Variants in CCDC97 observed in about 807,000 individuals in gnomAD.
The protein encoded by CCDC97 is coiled-coil domain-containing protein 97.
CCDC97 carries 27 observed loss-of-function variants against 33.9 expected under a neutral mutation model. The ratio of observed to expected loss-of-function variants is 0.80; its 90% confidence interval spans 0.59 to 1.10. The LOEUF (loss-of-function observed/expected upper bound fraction) is 1.10, where lower values mean the gene tolerates loss of function less well. Ranked by LOEUF, CCDC97 falls within the 50% of genes least tolerant of loss-of-function variation. The pLI, the probability that CCDC97 is intolerant of heterozygous loss-of-function variation, is 0.00. For synonymous variants in CCDC97, 217 were observed against 194.0 expected, an observed-to-expected ratio of 1.12 and a Z score of -0.99; for missense variants, 422 against 476.6, an observed-to-expected ratio of 0.89 and a Z score of 1.07.
intron 2 of CCDC97, among the ~76,000 whole-genome samples, chr19:41,317,557 T>C (rs2037763541): frequency 1.3e-5 from 2 of 151,682 alleles, no homozygotes; most frequent in South Asian, 4.2e-4. Flanking sequence ...ATGCTGTCTC[T>C]ACAAAAAATA....
intron 1 of CCDC97, among the ~76,000 whole-genome samples, chr19:41,313,740 A>T (rs1454780847): frequency 6.6e-6 from 1 of 152,038 alleles, no homozygotes; most frequent in Non-Finnish European, 1.5e-5. Context: ...TCACTCTGTC[A>T]CCCAGGCTGG....
rs555187314 is a variant in CCDC97 at position 41,324,421 on chromosome 19, C to G, written c.*1706C>G. On this transcript the variant is annotated 3_prime_UTR_variant, in exon 5 of 5. Coordinates refer to ENST00000269967, the MANE Select transcript of CCDC97 (RefSeq NM_052848.3). The stretch of plus-strand genomic sequence containing the variant: ...CTTGGCTGTCTGGCCTCTCAGGTGT[C>G]AGGGCCATCCAGAGTGAGACAGCAT... The G allele has an allele frequency of 6.6e-5, 10 of 152,338 alleles. No individual in the cohort carries two copies. Among genetic ancestry groups the G allele is most frequent in the Admixed American group, 6.5e-4 (10 of 15,300 alleles). 9.4% of individuals were successfully genotyped at this position (152,338 alleles called of 1,614,324 possible). A position where few individuals can be genotyped will look rare whatever the true frequency, so the allele number is the denominator to read the frequency against.
intron 4 of CCDC97, chr19:41,320,739 A>C: frequency 8.4e-6 from 3 of 358,874 alleles, no homozygotes; most frequent in South Asian, 6.2e-5. Context: ...ACCCTGAAAC[A>C]CTTCCCTCCT....
rs373559695 is a variant in CCDC97 at position 41,316,379 on chromosome 19, C to A, written c.47-5C>A. 2.5e-6 allele frequency: 4 copies of A among 1,604,234 alleles called. No individual in the cohort carries two copies. The South Asian group carries it at 4.4e-5, about 18-fold the overall frequency. ...TCTGAACTAACCAATCTCTCCTTTC[C>A]TCAGGCTGCATAGAGCCTGGACCTG... is the stretch of plus-strand genomic sequence containing the variant. On this transcript the variant is annotated splice_region_variant and splice_polypyrimidine_tract_variant and intron_variant, in intron 1 of 4. Transcript: ENST00000269967.
Position 41,322,788 on chromosome 19 carries a change from G to T in CCDC97, c.*73G>T. On this transcript the variant is annotated 3_prime_UTR_variant, in exon 5 of 5. Transcript: ENST00000269967. Reference sequence around the variant, plus strand: ...GCAGCTGATTCCAGGCCTGCTCAGTGACCCTTTCTCTAGGGGGACATCAGG... The same window carrying T: ...GCAGCTGATTCCAGGCCTGCTCAGTTACCCTTTCTCTAGGGGGACATCAGG... The T allele has an allele frequency of 6.4e-7, 1 of 1,554,622 alleles. No homozygotes were observed. The highest frequency in any genetic ancestry group is 1.2e-5 in the South Asian group (1 of 84,680).
At chr19:41,318,903 G>A (rs1004183184) in intron 2 of CCDC97, among the ~76,000 whole-genome samples, 2 of 151,892 alleles carry the variant, frequency 1.3e-5, no homozygotes, top group African/African-American at 2.4e-5. Context: ...ACACATACAC[G>A]CCCCACAGTG....
At chr19:41,313,373 C>T (rs1343189695) in intron 1 of CCDC97, among the ~76,000 whole-genome samples, 4 of 152,156 alleles carry the variant, frequency 2.6e-5, no homozygotes, top group Admixed American at 6.6e-5. Context: ...CCCTGGATGC[C>T]TCCCTTACTT....
chr19:41,322,738 C>T lies in CCDC97; in HGVS notation c.*23C>T. On this transcript the variant is annotated 3_prime_UTR_variant, in exon 5 of 5. Coordinates refer to ENST00000269967, the MANE Select transcript of CCDC97 (RefSeq NM_052848.3). The stretch of plus-strand genomic sequence containing the variant: ...TGATGGCCGCCACCCTTCCCACCGC[C>T]TGCCCCATCCCCATCCCCAACAAGG... 1 of 1,609,068 alleles carries T rather than the reference C, an allele frequency of 6.2e-7. No homozygotes were observed. Among genetic ancestry groups the T allele is most frequent in the East Asian group, 2.2e-5 (1 of 44,790 alleles).
chr19:41,319,993 G>A (rs539528151), intron 3 of CCDC97, 141 bp downstream of exon 3: 1 of 609,004 alleles, frequency 1.6e-6, no homozygotes, highest in Non-Finnish European at 2.9e-6. Flanking sequence ...CTGACTCTCT[G>A]TGTATGCCCT....
rs1425135713 is a variant in CCDC97 at position 41,316,560 on chromosome 19, C to T, written c.223C>T (p.Leu75=). 1.2e-6 allele frequency: 2 copies of T among 1,614,266 alleles called. No individual in the cohort carries two copies. Among genetic ancestry groups the T allele is most frequent in the South Asian group, 1.1e-5 (1 of 91,088 alleles). ...GCTGCACGCTGTAGCCGCCAGCCGC[C>T]TGCCTGTTTGCAGCCAGCAGCAGGG... The part of the protein sequence containing the change: ...AMLHAVAASR[L]PVCSQQQGEP... Residue 75 remains leucine, a synonymous_variant, in exon 2 of 5, where the codon CTG becomes TTG. Transcript: ENST00000269967.
rs746229440 is a variant in CCDC97 at position 41,316,575 on chromosome 19, C to T, written c.238C>T (p.Gln80Ter). The change falls in exon 2 of 5, where the codon CAG (glutamine) becomes TAG (stop). Residue 80 changes from glutamine to a stop codon, truncating the protein, a stop_gained. Transcript: ENST00000269967. LOFTEE classifies it high-confidence loss of function. ...VAASRLPVCS[Q>*]QQGEPDLTEH... The stretch of plus-strand genomic sequence containing the variant: ...CGCCAGCCGCCTGCCTGTTTGCAGC[C>T]AGCAGCAGGGTGAACCCGACTTGAC... 5 of 1,614,130 alleles carry T rather than the reference C, an allele frequency of 3.1e-6. No individual in the cohort carries two copies. Among genetic ancestry groups the T allele is most frequent in the East Asian group, 2.2e-5 (1 of 44,902 alleles).
At chr19:41,320,768 T>C (rs1031892297) in intron 4 of CCDC97, 6 of 312,300 alleles carry the variant, frequency 1.9e-5, no homozygotes, top group African/African-American at 1.3e-4. Context: ...CAGAGGCTAC[T>C]ACCCCAAGCC....
At chr19:41,319,449 G>A (rs2037789956) in intron 2 of CCDC97, 125 bp from the exon 3 acceptor site, 2 of 693,654 alleles carry the variant, frequency 2.9e-6, no homozygotes, top group Non-Finnish European at 4.8e-6. Context: ...GTTTTTGAAT[G>A]TGTGCATACA....
At chr19:41,322,171 G>A (rs1034408445) in intron 4 of CCDC97, among the ~76,000 whole-genome samples, 1 of 152,092 alleles carries the variant, frequency 6.6e-6, no homozygotes, top group African/African-American at 2.4e-5. Context: ...ATAGCTCACC[G>A]CAGCCTTGAC....
intron 1 of CCDC97, chr19:41,310,754 A>T: frequency 9.7e-7 from 1 of 1,032,702 alleles, no homozygotes; most frequent in Non-Finnish European, 1.2e-6. Flanking sequence ...GAATCCTCCT[A>T]CCTTTCCAGG....
rs567042490 is a variant in CCDC97 at position 41,322,687 on chromosome 19, C to T, written c.1004C>T (p.Ala335Val). The T allele has an allele frequency of 2.2e-5, 36 of 1,612,344 alleles. No individual in the cohort carries two copies. The highest frequency in any genetic ancestry group is 4.4e-5 in the South Asian group (4 of 91,022). ...TTTGATGAGGAAGAACCTGAGGATG[C>T]GCCCAGCCCAGAGCTGGATGGGGAC... ...RYFDEEEPED[A>V]PSPELDGD The change falls in exon 5 of 5, where the codon GCG (alanine) becomes GTG (valine). Residue 335 changes from alanine (A) to valine (V), a missense_variant. Coordinates refer to ENST00000269967, the MANE Select transcript of CCDC97 (RefSeq NM_052848.3).
In CCDC97 at chr19:41,319,728, G is replaced by T. The variant is rs372944406; in HGVS notation, c.657G>T (p.Pro219=). ...GGTCCCCCGGGAGACCTGCTTGCCC[G>T]CTCTCCAACTTGCTGCTCCAGTCCT... ...KPGSPGRPAC[P]LSNLLLQSYE... Residue 219 remains proline (P), a synonymous_variant, in exon 3 of 5, where the codon CCG becomes CCT. Transcript: ENST00000269967. The T allele has an allele frequency of 6.2e-7, 1 of 1,613,840 alleles. No homozygotes were observed.
intron 1 of CCDC97, among the ~76,000 whole-genome samples, chr19:41,314,621 G>T (rs1357964784): frequency 6.6e-6 from 1 of 152,256 alleles, no homozygotes; most frequent in African/African-American, 2.4e-5. Flanking sequence ...TTTTCCAAGA[G>T]ACCTCATGGC....
chr19:41,313,757 A>G (rs530494244), intron 1 of CCDC97, among the ~76,000 whole-genome samples: 6 of 152,156 alleles, frequency 3.9e-5, no homozygotes, highest in East Asian at 1.9e-4. Flanking sequence ...CTGGAGTGCA[A>G]TGGCTGATCT....
Sources: gnomAD v4.1 joint callset for allele counts (sites outside exome capture counted in the v4.1 genomes callset) on GRCh38, gnomAD v4.1.1 for gene constraint, MANE v1.5 for transcripts, NCBI Gene and HGNC (gene_info 2026-07-23, HGNC 2026-07-21) for gene names.